Variants in SCD5 observed in about 807,000 individuals in gnomAD.
The protein encoded by SCD5 is stearoyl-CoA desaturase 5, also known as acyl-CoA-desaturase 4.
In SCD5, 20 loss-of-function variants were observed where a neutral mutation model predicts 30.4. The observed-to-expected ratio is 0.66, with a 90% CI of 0.46 to 0.96. The LOEUF (loss-of-function observed/expected upper bound fraction) is 0.96, where lower values mean the gene tolerates loss of function less well. Among genes scored for constraint, SCD5 ranks in the 40% least tolerant of loss-of-function variants. The probability of loss-of-function intolerance (pLI) is 0.00; values close to 1 mark genes in which losing one functional copy is unlikely to be tolerated. For synonymous variants in SCD5, 173 were observed against 176.4 expected, an observed-to-expected ratio of 0.98 and a Z score of 0.16; for missense variants, 381 against 443.3, an observed-to-expected ratio of 0.86 and a Z score of 1.26.
rs965330279 is a variant in SCD5, at chr4:82,629,889, T to G, written c.*1438A>C. The G allele has an allele frequency of 2.0e-5, 3 of 152,210 alleles. No individual in the cohort carries two copies. Among genetic ancestry groups the G allele is most frequent in the Non-Finnish European group, 4.4e-5 (3 of 68,044 alleles). 9.4% of individuals were successfully genotyped at this position (152,210 alleles called of 1,614,324 possible). A position where few individuals can be genotyped will look rare whatever the true frequency, so the allele number is the denominator to read the frequency against. ...GATCACTTTATATTTTGCTACAAAA[T>G]TAATGAAGGCTGCATGCAGGTGAAA... On this transcript the variant is annotated 3_prime_UTR_variant, in exon 5 of 5. Transcript: ENST00000319540.
At chr4:82,733,855 C>T (rs1720693332) in intron 1 of SCD5, among the ~76,000 whole-genome samples, 3 of 152,052 alleles carry the variant, frequency 2.0e-5, no homozygotes, top group African/African-American at 7.2e-5. Context: ...TCAGAACTGC[C>T]CGATGTAAGC....
chr4:82,748,473 G>C (rs1394050774), intron 1 of SCD5, among the ~76,000 whole-genome samples: 1 of 152,130 alleles, frequency 6.6e-6, no homozygotes, highest in Non-Finnish European at 1.5e-5. Context: ...GAATTTAAAC[G>C]TTAAGTTTAA....
At chr4:82,698,600 C>A (rs1719748231) in intron 2 of SCD5, among the ~76,000 whole-genome samples, 1 of 152,238 alleles carries the variant, frequency 6.6e-6, no homozygotes, top group Non-Finnish European at 1.5e-5. Context: ...CAGAGCCTTG[C>A]ACTGATGTGG....
intron 4 of SCD5, among the ~76,000 whole-genome samples, chr4:82,634,138 C>T (rs1727375599): frequency 2.0e-5 from 3 of 152,130 alleles, no homozygotes; most frequent in Admixed American, 6.5e-5. Flanking sequence ...CAACATTGTA[C>T]GTATCCATCC....
At chr4:82,646,151 G>T (rs1727630761) in intron 3 of SCD5, among the ~76,000 whole-genome samples, 2 of 152,206 alleles carry the variant, frequency 1.3e-5, no homozygotes, top group African/African-American at 4.8e-5. Context: ...GATGAGTGAT[G>T]AGCTGTTCCT....
chr4:82,716,329 T>C (rs940109335), intron 1 of SCD5, among the ~76,000 whole-genome samples: 2 of 151,728 alleles, frequency 1.3e-5, no homozygotes, highest in Non-Finnish European at 2.9e-5. Context: ...CTAGCTGGGG[T>C]GATACCGACT....
rs372190870 is a variant in SCD5 at position 82,705,437 on chromosome 4, C to T, written c.233-24G>A. 42 of 1,613,582 alleles carry T rather than the reference C, an allele frequency of 2.6e-5. No individual in the cohort carries two copies. The East Asian group carries it at 2.7e-4, about 10-fold the overall frequency. On this transcript the variant is annotated intron_variant, in intron 1 of 4. Coordinates refer to ENST00000319540, the MANE Select transcript of SCD5 (RefSeq NM_001037582.3). ...GGCTGCAAGACACAAGCAGGGACAA[C>T]GTCAACAATGGTCCCTGAGCTTTCA... is the stretch of plus-strand genomic sequence containing the variant.
chr4:82,727,007 G>C (rs1477952280), intron 1 of SCD5, among the ~76,000 whole-genome samples: 2 of 152,190 alleles, frequency 1.3e-5, no homozygotes, highest in African/African-American at 2.4e-5. Context: ...CTAATGGAAT[G>C]AAGCTTCTTT....
intron 3 of SCD5, among the ~76,000 whole-genome samples, chr4:82,667,168 A>C (rs937601127): frequency 1.3e-5 from 2 of 152,136 alleles, no homozygotes; most frequent in African/African-American, 4.8e-5. Context: ...AAATTTGAGC[A>C]ACTGTCTCCT....
At chr4:82,658,648 T>G (rs1416117338) in intron 3 of SCD5, among the ~76,000 whole-genome samples, 1 of 86,150 alleles carries the variant, frequency 1.2e-5, no homozygotes. Flanking sequence ...TTTTTTTTTT[T>G]TTTTTTTTGT....
In SCD5 at chr4:82,629,676, A is replaced by C. The variant is rs1176874364; in HGVS notation, c.*1651T>G. 6 of 152,236 alleles carry C rather than the reference A, an allele frequency of 3.9e-5. No individual in the cohort carries two copies. The highest frequency in any genetic ancestry group is 1.4e-4 in the African/African-American group (6 of 41,464). 9.4% of individuals were successfully genotyped at this position (152,236 alleles called of 1,614,324 possible). A position where few individuals can be genotyped will look rare whatever the true frequency, so the allele number is the denominator to read the frequency against. On this transcript the variant is annotated 3_prime_UTR_variant, in exon 5 of 5. Transcript: ENST00000319540. ...GCCATCATATCTTTTTCTAAAATTT[A>C]AAATTTAACTTTTAAATCCTACATC... is the stretch of plus-strand genomic sequence containing the variant.
chr4:82,714,432 A>G (rs1483096651), intron 1 of SCD5, among the ~76,000 whole-genome samples: 1 of 152,168 alleles, frequency 6.6e-6, no homozygotes, highest in Admixed American at 6.5e-5. Context: ...TAAACATTGA[A>G]CAAATCATTA....
chr4:82,666,559 T>C (rs538274974), intron 3 of SCD5, among the ~76,000 whole-genome samples: 175 of 152,064 alleles, frequency 1.2e-3, no homozygotes, highest in Middle Eastern at 6.8e-3. Context: ...CCAGTGTAGA[T>C]TAAAAGATTA....
chr4:82,636,604 A>G lies in SCD5; in HGVS notation c.789T>C (p.Ala263=), dbSNP rs756703790. 1.2e-6 allele frequency: 2 copies of G among 1,613,816 alleles called. No homozygotes were observed. Among genetic ancestry groups the G allele is most frequent in the Admixed American group, 3.3e-5 (2 of 60,008 alleles). Residue 263 remains alanine, a synonymous_variant, in exon 4 of 5, where the codon GCT becomes GCC. Transcript: ENST00000319540. ...ACCCCTACTCACCAATGGCACCCAGAGCGACGAGTGGGTTCTGCCGAGGGC... is the reference window on the plus strand; with the variant it reads ...ACCCCTACTCACCAATGGCACCCAGGGCGACGAGTGGGTTCTGCCGAGGGC... The part of the protein sequence containing the change: ...HISPRQNPLV[A]LGAIGEGFHN...
At chr4:82,654,989 C>T (rs1727840869) in intron 3 of SCD5, among the ~76,000 whole-genome samples, 1 of 152,126 alleles carries the variant, frequency 6.6e-6, no homozygotes, top group Non-Finnish European at 1.5e-5. Flanking sequence ...AGAATGAGAG[C>T]CGTCAAGAGA....
intron 3 of SCD5, among the ~76,000 whole-genome samples, chr4:82,647,366 G>A (rs1227696514): frequency 6.6e-6 from 1 of 152,024 alleles, no homozygotes; most frequent in East Asian, 1.9e-4. Context: ...TCAATAATAA[G>A]CTACACACCA....
At chr4:82,737,139 G>A (rs1321756291) in intron 1 of SCD5, among the ~76,000 whole-genome samples, 1 of 152,036 alleles carries the variant, frequency 6.6e-6, no homozygotes, top group African/African-American at 2.4e-5. Context: ...ATTTATGTTT[G>A]TATGAGGGTA....
At chr4:82,708,190 AAAAAC>A (rs1449039290) in intron 1 of SCD5, among the ~76,000 whole-genome samples, 1 of 152,214 alleles carries the variant, frequency 6.6e-6, no homozygotes, top group African/African-American at 2.4e-5. Context: ...CAAATATACT[AAAAAC>A]AAATGACTTG....
At chr4:82,743,972 C>T (rs147668677) in intron 1 of SCD5, among the ~76,000 whole-genome samples, 141 of 152,114 alleles carry the variant, frequency 9.3e-4, no homozygotes, top group Middle Eastern at 3.4e-3. Context: ...ACTACAGGCA[C>T]GCACCACCAC....
Sources: gnomAD v4.1 joint callset for allele counts (sites outside exome capture counted in the v4.1 genomes callset) on GRCh38, gnomAD v4.1.1 for gene constraint, MANE v1.5 for transcripts, NCBI Gene and HGNC (gene_info 2026-07-23, HGNC 2026-07-21) for gene names.